The following GRIK2 variants were observed in gnomAD, a reference collection of about 807,000 sequenced individuals.
The protein encoded by GRIK2 is glutamate ionotropic receptor kainate type subunit 2, also known as glutamate receptor ionotropic, kainate 2.
Under a neutral mutation model 100.3 loss-of-function variants are expected in GRIK2, and 32 were observed. The observed-to-expected ratio is 0.32, with a 90% CI of 0.24 to 0.43. The LOEUF (loss-of-function observed/expected upper bound fraction) is 0.43. GRIK2 is among the 20% of genes least tolerant of loss of function. The pLI is 1.00. For synonymous variants in GRIK2, 417 were observed against 389.4 expected (o/e 1.07, Z -0.83); for missense variants, 843 against 1,114.9 (o/e 0.76, Z 3.47).
intron 6 of GRIK2, among the ~76,000 whole-genome samples, chr6:101,684,219 C>G (rs1351320039): frequency 1.3e-5 from 2 of 152,098 alleles, no homozygotes; most frequent in Non-Finnish European, 2.9e-5. Context: ...CCCTCATCAG[C>G]AAATTATATT....
At chr6:101,874,583 C>CT (rs1448152478) in intron 11 of GRIK2, among the ~76,000 whole-genome samples, 1 of 152,076 alleles carries the variant, frequency 6.6e-6, no homozygotes, top group African/African-American at 2.4e-5. Context: ...AATGCAGGCT[C>CT]TTTTTTGGTG....
At chr6:101,838,959 C>A (rs1254766385) in intron 10 of GRIK2, among the ~76,000 whole-genome samples, 2 of 151,424 alleles carry the variant, frequency 1.3e-5, no homozygotes, top group South Asian at 2.1e-4. Flanking sequence ...AGAAATACAG[C>A]TTATTTCTTA....
chr6:101,650,384 C>G lies in GRIK2; in HGVS notation c.541+23747C>G, dbSNP rs369159475. Among the ~76,000 whole-genome samples the G allele has an allele frequency of 7.9e-5, 12 of 152,198 alleles. No individual in the cohort carries two copies. The East Asian group carries it at 1.7e-3, about 22-fold the overall frequency. On this transcript the variant is annotated intron_variant, in intron 4 of 16. Coordinates refer to ENST00000369134, the MANE Select transcript of GRIK2 (RefSeq NM_021956.5). ...AGGATAAGAGAGGGGAATCTTAGAGCAAAGATCAACTTTAACCACCTCCTT... is the reference window on the plus strand; with the variant it reads ...AGGATAAGAGAGGGGAATCTTAGAGGAAAGATCAACTTTAACCACCTCCTT...
chr6:101,947,100 G>T (rs1439924588), intron 14 of GRIK2, among the ~76,000 whole-genome samples: 1 of 152,166 alleles, frequency 6.6e-6, no homozygotes, highest in Non-Finnish European at 1.5e-5. Flanking sequence ...TGTGCTCTGA[G>T]AAAAGAGAGG....
At chr6:101,953,042 G>GAATA (rs1195644494) in intron 14 of GRIK2, among the ~76,000 whole-genome samples, 1 of 152,096 alleles carries the variant, frequency 6.6e-6, no homozygotes, top group African/African-American at 2.4e-5. Flanking sequence ...CAGTGATATA[G>GAATA]AATAAATGCT....
intron 11 of GRIK2, among the ~76,000 whole-genome samples, chr6:101,869,891 A>G (rs1374942378): frequency 1.3e-5 from 2 of 151,952 alleles, no homozygotes; most frequent in East Asian, 3.9e-4. Flanking sequence ...TCTATTGTGC[A>G]TGCCTAGGCT....
chr6:101,889,719 C>T lies in GRIK2; in HGVS notation c.1604C>T (p.Thr535Ile). ...ATCGACTTTTCCAAGCCCTTTATGA[C>T]ACTTGGAATAAGTATTTTGTACCGC... ...KVIDFSKPFM[T>I]LGISILYRKP... The change falls in exon 12 of 17, where the codon ACA (threonine) becomes ATA (isoleucine). Residue 535 changes from threonine (T) to isoleucine (I), a missense_variant. Physicochemically the swap from Thr to Ile is moderately conservative, Grantham distance 89. Coordinates refer to ENST00000369134, the MANE Select transcript of GRIK2 (RefSeq NM_021956.5). 6.2e-7 allele frequency: 1 copy of T among 1,611,334 alleles called. No homozygotes were observed. Among genetic ancestry groups the T allele is most frequent in the Non-Finnish European group, 8.5e-7 (1 of 1,178,604 alleles).
chr6:101,524,187 C>T (rs935625106), intron 2 of GRIK2, among the ~76,000 whole-genome samples: 1 of 152,112 alleles, frequency 6.6e-6, no homozygotes, highest in Non-Finnish European at 1.5e-5. Flanking sequence ...AAATTTGAAG[C>T]TTTATGTTGA....
At chr6:101,479,318 G>A (rs1365046096) in intron 2 of GRIK2, among the ~76,000 whole-genome samples, 1 of 152,124 alleles carries the variant, frequency 6.6e-6, no homozygotes, top group Non-Finnish European at 1.5e-5. Context: ...ATATTTGTTA[G>A]ATGGTTATAT....
At chr6:101,615,025 A>G (rs900618862) in intron 2 of GRIK2, among the ~76,000 whole-genome samples, 2 of 151,740 alleles carry the variant, frequency 1.3e-5, no homozygotes, top group Non-Finnish European at 2.9e-5. Flanking sequence ...GTGATGTGAA[A>G]AGTTTCAGCA....
At chr6:101,769,170 T>C (rs998601340) in intron 7 of GRIK2, among the ~76,000 whole-genome samples, 3 of 152,182 alleles carry the variant, frequency 2.0e-5, no homozygotes, top group African/African-American at 7.2e-5. Context: ...GCATGATGGA[T>C]ATGTGTAATA....
intron 9 of GRIK2, among the ~76,000 whole-genome samples, chr6:101,813,563 A>G (rs1781464102): frequency 6.6e-6 from 1 of 152,226 alleles, no homozygotes; most frequent in South Asian, 2.1e-4. Flanking sequence ...GTTTTGAATA[A>G]TGACTTTACA....
intron 4 of GRIK2, among the ~76,000 whole-genome samples, chr6:101,663,534 A>G (rs926450982): frequency 6.6e-6 from 1 of 152,168 alleles, no homozygotes; most frequent in Non-Finnish European, 1.5e-5. Flanking sequence ...TATACAGGAG[A>G]AGAAATATAC....
intron 11 of GRIK2, among the ~76,000 whole-genome samples, chr6:101,861,622 A>C (rs1784737796): frequency 6.6e-6 from 1 of 152,184 alleles, no homozygotes; most frequent in African/African-American, 2.4e-5. Context: ...TTTAGGGTAC[A>C]ACAAAGCAGG....
At chr6:102,065,825 A>G (rs1413392273) in intron 16 of GRIK2, 3 of 1,512,750 alleles carry the variant, frequency 2.0e-6, no homozygotes, top group African/African-American at 2.8e-5. Flanking sequence ...CCTCAAGACT[A>G]TGTATTCCTC....
intron 2 of GRIK2, 61 bp from the exon 3 acceptor site, chr6:101,621,888 A>T (rs1780181441): frequency 8.6e-7 from 1 of 1,157,736 alleles, no homozygotes; most frequent in East Asian, 2.5e-5. Flanking sequence ...TATTTTCTTT[A>T]TCTTGTGAAA....
rs1376723314 is a variant in GRIK2, at chr6:101,955,617, C to CTCT, written c.2085+26985_2085+26986insTCT. Among the ~76,000 whole-genome samples the CTCT allele has an allele frequency of 3.8e-3, 446 of 116,376 alleles. 11 individuals carry two copies. The highest frequency in any genetic ancestry group is 0.014 in the African/African-American group (365 of 26,510). The allele number at this position is 116,376 out of a possible 152,430, so 76.3% of individuals were successfully genotyped here. ...CTCTCTCTCTCTCTCTCTCTCTCTC[C>CTCT]CCCCCATTTCTTTTACAGTCAGATT... On this transcript the variant is annotated intron_variant, in intron 14 of 16. Coordinates refer to ENST00000369134, the MANE Select transcript of GRIK2 (RefSeq NM_021956.5).
At chr6:101,451,864 C>G (rs1481785786) in intron 2 of GRIK2, among the ~76,000 whole-genome samples, 1 of 151,628 alleles carries the variant, frequency 6.6e-6, no homozygotes, top group Non-Finnish European at 1.5e-5. Context: ...TATATTATTT[C>G]ACTTTCCTAT....
intron 4 of GRIK2, among the ~76,000 whole-genome samples, chr6:101,628,232 A>C (rs908986156): frequency 2.0e-5 from 3 of 152,020 alleles, no homozygotes; most frequent in Non-Finnish European, 4.4e-5. Flanking sequence ...ACAGATAAGA[A>C]CTCTTTCAAG....
Sources: allele counts gnomAD v4.1 joint callset (sites outside exome capture counted in the v4.1 genomes callset), GRCh38; gene constraint gnomAD v4.1.1; transcripts MANE v1.5; gene names NCBI Gene and HGNC (gene_info 2026-07-23, HGNC 2026-07-21).